GCNT2: variants seen among roughly 807,000 people sequenced by gnomAD.
The protein encoded by GCNT2 is N-acetyllactosaminide beta-1,6-N-acetylglucosaminyl-transferase.
In GCNT2, 34 loss-of-function variants were observed where a neutral mutation model predicts 34.2. That is an observed-to-expected ratio of 1.00 (90% CI 0.76 to 1.32). GCNT2 has a LOEUF of 1.32. GCNT2 is among the 40% of genes most tolerant of loss of function. GCNT2 has a pLI of 0.00. For synonymous variants in GCNT2, 212 were observed against 188.0 expected (o/e 1.13, Z -1.04); for missense variants, 584 against 489.4 (o/e 1.19, Z -1.82).
At chr6:10,609,610 C>T (rs1417038260) in intron 3 of GCNT2, among the ~76,000 whole-genome samples, 3 of 152,138 alleles carry the variant, frequency 2.0e-5, no homozygotes, top group Non-Finnish European at 4.4e-5. Flanking sequence ...TTGGGATCTT[C>T]CTGGCCGGAA....
intron 3 of GCNT2, chr6:10,573,288 T>C (rs541435571): frequency 1.0e-6 from 1 of 984,948 alleles, no homozygotes; most frequent in East Asian, 1.1e-4. Context: ...AATAGTTACC[T>C]ACGCTGTTCC....
In GCNT2 at chr6:10,604,052, C is replaced by T. The variant is rs567689102; in HGVS notation, c.926-17299C>T. ...CTGGGATTACAGGCGCACGCCACCACGCCCGGCTAATTTTTTTGTATTTTA... is the reference window on the plus strand; with the variant it reads ...CTGGGATTACAGGCGCACGCCACCATGCCCGGCTAATTTTTTTGTATTTTA... On this transcript the variant is annotated intron_variant, in intron 3 of 4. Coordinates refer to ENST00000495262, the MANE Select transcript of GCNT2 (RefSeq NM_145649.5). Among the ~76,000 whole-genome samples, 10 of 151,972 alleles carry T rather than the reference C, an allele frequency of 6.6e-5. No individual in the cohort carries two copies. The East Asian group carries it at 1.7e-3, about 27-fold the overall frequency.
chr6:10,581,775 C>G (rs2127407452), intron 3 of GCNT2: 2 of 985,202 alleles, frequency 2.0e-6, no homozygotes, highest in Non-Finnish European at 1.2e-6. Context: ...AGACCTTTGC[C>G]TCTCTTTTCT....
chr6:10,555,384 C>T (rs1273986936), intron 3 of GCNT2, among the ~76,000 whole-genome samples: 2 of 152,084 alleles, frequency 1.3e-5, no homozygotes, highest in Non-Finnish European at 2.9e-5. Flanking sequence ...GATAAAAACA[C>T]CCACTTCCTA....
chr6:10,566,142 G>A (rs558570172), intron 3 of GCNT2, among the ~76,000 whole-genome samples: 10 of 150,672 alleles, frequency 6.6e-5, no homozygotes, highest in South Asian at 6.3e-4. Context: ...GGAGGCTCCC[G>A]GATGCTCTTC....
intron 3 of GCNT2, among the ~76,000 whole-genome samples, chr6:10,611,334 CTTTTT>C (rs200808872): frequency 7.3e-6 from 1 of 136,448 alleles, no homozygotes; most frequent in African/African-American, 2.7e-5. Flanking sequence ...TTCTTTCTTT[CTTTTT>C]TTTTTTTTTT....
chr6:10,545,544 A>C (rs1056272971), intron 3 of GCNT2, among the ~76,000 whole-genome samples: 1 of 152,198 alleles, frequency 6.6e-6, no homozygotes, highest in African/African-American at 2.4e-5. Flanking sequence ...ATTAGGAATA[A>C]AGCGAACTTC....
At chr6:10,546,837 C>T (rs2113617398) in intron 3 of GCNT2, among the ~76,000 whole-genome samples, 1 of 152,010 alleles carries the variant, frequency 6.6e-6, no homozygotes, top group East Asian at 1.9e-4. Flanking sequence ...AAAACATGTC[C>T]ATACTTCTTC....
At chr6:10,557,128 G>A (rs1762753131) in intron 3 of GCNT2, 6 of 1,555,246 alleles carry the variant, frequency 3.9e-6, no homozygotes, top group South Asian at 3.8e-5. Flanking sequence ...AAGAGCACCT[G>A]GGCAAAGAGC....
intron 3 of GCNT2, among the ~76,000 whole-genome samples, chr6:10,541,982 C>G (rs925307096): frequency 6.6e-6 from 1 of 152,040 alleles, no homozygotes; most frequent in Non-Finnish European, 1.5e-5. Flanking sequence ...GGGTAGGGAG[C>G]TTTATATCTT....
Position 10,528,747 on chromosome 6 carries a change from A to C in GCNT2, c.-165A>C. 4.5e-6 allele frequency: 3 copies of C among 659,622 alleles called. No individual in the cohort carries two copies. The highest frequency in any genetic ancestry group is 8.1e-6 in the Non-Finnish European group (3 of 371,428). 40.9% of individuals were successfully genotyped at this position (659,622 alleles called of 1,614,324 possible). On this transcript the variant is annotated 5_prime_UTR_variant, in exon 3 of 5. Coordinates refer to ENST00000495262, the MANE Select transcript of GCNT2 (RefSeq NM_145649.5). Reference sequence around the variant, plus strand: ...GTGGTAAGTGAAGAGGGGAAGAAGAAAGAAAAAGGACCAGAACCGTGAACT... The same window carrying C: ...GTGGTAAGTGAAGAGGGGAAGAAGACAGAAAAAGGACCAGAACCGTGAACT...
chr6:10,622,742 C>CTTTTTT (rs36097125), intron 4 of GCNT2, among the ~76,000 whole-genome samples: 5 of 74,472 alleles, frequency 6.7e-5, no homozygotes, highest in Non-Finnish European at 1.3e-4. Flanking sequence ...CTCAGTCCAT[C>CTTTTTT]TTTTTTTTTT....
chr6:10,611,333 T>TA (rs1765544050), intron 3 of GCNT2, among the ~76,000 whole-genome samples: 4 of 106,234 alleles, frequency 3.8e-5, no homozygotes, highest in Non-Finnish European at 6.4e-5. Context: ...TTTCTTTCTT[T>TA]CTTTTTTTTT....
At chr6:10,618,092 A>G (rs1275094006) in intron 3 of GCNT2, among the ~76,000 whole-genome samples, 1 of 152,044 alleles carries the variant, frequency 6.6e-6, no homozygotes, top group Non-Finnish European at 1.5e-5. Flanking sequence ...GGTGCTGCTG[A>G]TGCCCCTACT....
At chr6:10,572,573 A>G (rs576114890) in intron 3 of GCNT2, among the ~76,000 whole-genome samples, 1 of 152,212 alleles carries the variant, frequency 6.6e-6, no homozygotes, top group South Asian at 2.1e-4. Flanking sequence ...TCTACTAAAA[A>G]TACAAAAAAA....
rs75223310 is a variant in GCNT2, at chr6:10,581,649, A to C, written c.926-39702A>C. The C allele has an allele frequency of 6.9e-4, 406 of 588,036 alleles. 2 individuals are homozygous for C. In the African/African-American group the frequency reaches 8.0e-3, roughly 12 times the overall value. The allele number at this position is 588,036 out of a possible 1,614,324, so 36.4% of individuals were successfully genotyped here. The stretch of plus-strand genomic sequence containing the variant: ...CCCATCTGCAGACTGCTTTGGCTAC[A>C]TCATGTTGAAAGATTTCTTGAGTTT... On this transcript the variant is annotated intron_variant, in intron 3 of 4. Coordinates refer to ENST00000495262, the MANE Select transcript of GCNT2 (RefSeq NM_145649.5).
At chr6:10,610,018 G>A (rs536345994) in intron 3 of GCNT2, among the ~76,000 whole-genome samples, 95 of 152,300 alleles carry the variant, frequency 6.2e-4, no homozygotes, top group Non-Finnish European at 1.2e-3. Context: ...CCATCTGGTG[G>A]TATTGACTGC....
At chr6:10,617,040 G>T (rs1765800200) in intron 3 of GCNT2, among the ~76,000 whole-genome samples, 1 of 152,252 alleles carries the variant, frequency 6.6e-6, no homozygotes, top group Non-Finnish European at 1.5e-5. Context: ...CTGCCTGCCA[G>T]TCCCACTCCG....
At position 10,562,628 on chromosome 6, in the gene GCNT2, G is replaced by T. The variant is rs1223016177; in HGVS notation, c.925+32792G>T. 1.9e-4 allele frequency among the ~76,000 whole-genome samples: 22 copies of T among 117,796 alleles called. No homozygotes were observed. The South Asian group carries it at 2.9e-3, about 16-fold the overall frequency. 77.3% of individuals were successfully genotyped at this position (117,796 alleles called of 152,430 possible). On this transcript the variant is annotated intron_variant, in intron 3 of 4. Coordinates refer to ENST00000495262, the MANE Select transcript of GCNT2 (RefSeq NM_145649.5). ...GCCACTCAGGAGACCAAGGCAGAAG[G>T]ATCACTTGACAGAGTCAGAACTTCT... is the stretch of plus-strand genomic sequence containing the variant.
Sources: allele counts gnomAD v4.1 joint callset (sites outside exome capture counted in the v4.1 genomes callset), GRCh38; gene constraint gnomAD v4.1.1; transcripts MANE v1.5; gene names NCBI Gene and HGNC (gene_info 2026-07-23, HGNC 2026-07-21).